Variants in ERCC8 observed in about 807,000 individuals in gnomAD.
ERCC8 encodes the protein ERCC excision repair 8, CSA ubiquitin ligase complex subunit.
ERCC8 carries 52 observed loss-of-function variants against 54.9 expected under a neutral mutation model. The ratio of observed to expected loss-of-function variants is 0.95; its 90% CI spans 0.76 to 1.19. The LOEUF is 1.19. Ranked by LOEUF, ERCC8 falls within the 50% of genes most tolerant of loss-of-function variation. The pLI, the probability that ERCC8 is intolerant of heterozygous loss-of-function variation, is 0.00. For missense variants in ERCC8, 514 were observed against 466.1 expected (o/e 1.10, Z -0.95); for synonymous variants, 146 against 157.2 (o/e 0.93, Z 0.53).
At chr5:60,925,239 A>C (rs930005687) in intron 2 of ERCC8, among the ~76,000 whole-genome samples, 1 of 152,166 alleles carries the variant, frequency 6.6e-6, no homozygotes, top group Non-Finnish European at 1.5e-5. Context: ...AGATTTCAAA[A>C]TATGGAAGCT....
At chr5:60,875,111 A>G (rs1410579781) in intron 11 of ERCC8, among the ~76,000 whole-genome samples, 3 of 152,190 alleles carry the variant, frequency 2.0e-5, no homozygotes, top group African/African-American at 4.8e-5. Flanking sequence ...GCAACTCTTT[A>G]TTGTTTGGAT....
At chr5:60,906,667 T>G (rs1749082008) in intron 4 of ERCC8, among the ~76,000 whole-genome samples, 1 of 151,912 alleles carries the variant, frequency 6.6e-6, no homozygotes, top group Admixed American at 6.6e-5. Context: ...AGGCAGAGGT[T>G]GCAGTGAGCT....
intron 1 of ERCC8, among the ~76,000 whole-genome samples, chr5:60,939,388 G>C (rs545664606): frequency 6.3e-4 from 96 of 152,230 alleles, no homozygotes; most frequent in Middle Eastern, 3.4e-3. Flanking sequence ...TTTCCTGAAG[G>C]GAAATTGGGT....
intron 11 of ERCC8, among the ~76,000 whole-genome samples, chr5:60,883,913 C>A (rs886819313): frequency 2.0e-4 from 30 of 152,118 alleles, no homozygotes; most frequent in African/African-American, 7.2e-4. Context: ...TAGTTAAAGA[C>A]CATAAATCCT....
intron 11 of ERCC8, among the ~76,000 whole-genome samples, chr5:60,880,676 A>AT (rs1358162299): frequency 2.0e-5 from 3 of 152,194 alleles, no homozygotes; most frequent in Non-Finnish European, 4.4e-5. Context: ...AGGCTTGAAC[A>AT]TTCATCACGT....
intron 1 of ERCC8, among the ~76,000 whole-genome samples, chr5:60,942,890 C>T (rs1362578673): frequency 1.3e-5 from 2 of 151,992 alleles, no homozygotes; most frequent in Non-Finnish European, 2.9e-5. Flanking sequence ...TACATGATGA[C>T]AAGGAAGAAC....
intron 1 of ERCC8, among the ~76,000 whole-genome samples, chr5:60,939,870 C>T (rs1329159079): frequency 6.6e-6 from 1 of 152,118 alleles, no homozygotes; most frequent in Non-Finnish European, 1.5e-5. Flanking sequence ...ATGGTAAATT[C>T]TTTACCATTA....
At chr5:60,904,309 C>T (rs1038475936) in intron 5 of ERCC8, among the ~76,000 whole-genome samples, 2 of 151,836 alleles carry the variant, frequency 1.3e-5, no homozygotes, top group Admixed American at 1.3e-4. Flanking sequence ...ATCACAGGGC[C>T]CAGATACCTG....
intron 1 of ERCC8, among the ~76,000 whole-genome samples, chr5:60,941,407 A>G (rs1750253923): frequency 6.6e-6 from 1 of 152,244 alleles, no homozygotes; most frequent in Admixed American, 6.5e-5. Context: ...GAAGGGAAAA[A>G]GAACAAAGCC....
chr5:60,873,556 A>C lies in ERCC8; in HGVS notation c.*1059T>G, dbSNP rs4647163. Among the ~76,000 whole-genome samples, 200 of 152,320 alleles carry C rather than the reference A, an allele frequency of 1.3e-3. 1 individual carries two copies. Among genetic ancestry groups the C allele is most frequent in the African/African-American group, 4.7e-3 (194 of 41,586 alleles). ...ACCGGGCGCAGTGGCGGGAGCCTGTAATCCCAGCTACTCAGGAGGCTTAGG... is the reference window on the plus strand; with the variant it reads ...ACCGGGCGCAGTGGCGGGAGCCTGTCATCCCAGCTACTCAGGAGGCTTAGG... On this transcript the variant is annotated 3_prime_UTR_variant, in exon 12 of 12. Coordinates refer to ENST00000676185, the MANE Select transcript of ERCC8 (RefSeq NM_000082.4).
intron 11 of ERCC8, among the ~76,000 whole-genome samples, chr5:60,876,038 C>A (rs1354545545): frequency 6.6e-6 from 1 of 152,030 alleles, no homozygotes; most frequent in Admixed American, 6.6e-5. Context: ...CTACCCCCAC[C>A]CCACAACAGG....
chr5:60,923,123 G>T (rs549279725), intron 2 of ERCC8, among the ~76,000 whole-genome samples: 3 of 152,042 alleles, frequency 2.0e-5, no homozygotes, highest in African/African-American at 7.2e-5. Flanking sequence ...AGTAAAAGAG[G>T]GTGCTAAAAA....
At chr5:60,906,924 T>C (rs980216314) in intron 4 of ERCC8, among the ~76,000 whole-genome samples, 2 of 152,158 alleles carry the variant, frequency 1.3e-5, no homozygotes, top group East Asian at 1.9e-4. Flanking sequence ...CTCACTGATA[T>C]AAGTTTTGCA....
chr5:60,935,704 T>C (rs1406277874), intron 1 of ERCC8, among the ~76,000 whole-genome samples: 1 of 152,170 alleles, frequency 6.6e-6, no homozygotes, highest in Non-Finnish European at 1.5e-5. Flanking sequence ...TACCTTAAGG[T>C]ATGTCACTTC....
Position 60,892,935 on chromosome 5 carries a change from C to T in ERCC8, c.844-1849G>A. On this transcript the variant is annotated intron_variant, in intron 9 of 11. Transcript: ENST00000676185. ...GATGTGGGTGCGCATTTCACCAAGG[C>T]AGCAATAGTTCCCCAGAACCCTCAT... 3 of 752,464 alleles carry T rather than the reference C, an allele frequency of 4.0e-6. No homozygotes were observed. In the Admixed American group the frequency reaches 5.4e-5, roughly 13 times the overall value. 46.6% of individuals were successfully genotyped at this position (752,464 alleles called of 1,614,324 possible). A position where few individuals can be genotyped will look rare whatever the true frequency, so the allele number is the denominator to read the frequency against.
At chr5:60,920,338 A>G (rs1472694827) in intron 3 of ERCC8, among the ~76,000 whole-genome samples, 2 of 152,028 alleles carry the variant, frequency 1.3e-5, no homozygotes, top group Non-Finnish European at 2.9e-5. Context: ...CAGTGATACT[A>G]CTTTTAAATG....
rs533446848 is a variant in ERCC8, at chr5:60,893,716, C to A, written c.844-2630G>T. ...TTCTGGCTTCCGGATGCCAGCCTGGCGGCGCCCGACTCCGCCCACTGGGCA... is the reference window on the plus strand; with the variant it reads ...TTCTGGCTTCCGGATGCCAGCCTGGAGGCGCCCGACTCCGCCCACTGGGCA... On this transcript the variant is annotated intron_variant, in intron 9 of 11. Transcript: ENST00000676185. 3.3e-3 allele frequency: 1,380 copies of A among 423,810 alleles called. 20 individuals carry two copies. Among genetic ancestry groups the A allele is most frequent in the African/African-American group, 0.025 (1,263 of 49,560 alleles). The allele number at this position is 423,810 out of a possible 1,614,324, so 26.3% of individuals were successfully genotyped here.
At chr5:60,878,410 CTT>C (rs1350438320) in intron 11 of ERCC8, among the ~76,000 whole-genome samples, 1 of 152,176 alleles carries the variant, frequency 6.6e-6, no homozygotes, top group East Asian at 1.9e-4. Context: ...AGGATTCCCT[CTT>C]TTTCTATTGA....
rs1050570510 is a variant in ERCC8, at chr5:60,894,025, C to T, written c.844-2939G>A. On this transcript the variant is annotated intron_variant, in intron 9 of 11. Coordinates refer to ENST00000676185, the MANE Select transcript of ERCC8 (RefSeq NM_000082.4). ...TTTGAGACAGAGTCTTGCTCTGTCG[C>T]CCAGGCTGGAGTGCAGTGGCGCGAT... Among the ~76,000 whole-genome samples, 45 of 151,058 alleles carry T rather than the reference C, an allele frequency of 3.0e-4. 1 individual carries two copies. The highest frequency in any genetic ancestry group is 1.8e-3 in the East Asian group (9 of 5,122).
Sources: allele counts gnomAD v4.1 joint callset (sites outside exome capture counted in the v4.1 genomes callset), GRCh38; gene constraint gnomAD v4.1.1; transcripts MANE v1.5; gene names NCBI Gene and HGNC (gene_info 2026-07-23, HGNC 2026-07-21).